The following DPYD variants were observed in gnomAD, a reference collection of about 807,000 sequenced individuals.
DPYD encodes the protein dihydropyrimidine dehydrogenase [NADP(+)].
Under a neutral mutation model 116.2 loss-of-function variants are expected in DPYD, and 109 were observed. The ratio of observed to expected loss-of-function variants is 0.94; its 90% confidence interval spans 0.80 to 1.10. The LOEUF (loss-of-function observed/expected upper bound fraction) is 1.10, where lower values mean the gene tolerates loss of function less well. Among genes scored for constraint, DPYD ranks in the 50% least tolerant of loss-of-function variants. The pLI is 0.00. For missense variants in DPYD, 1,302 were observed against 1,254.5 expected (o/e 1.04, Z -0.57); for synonymous variants, 440 against 432.0 (o/e 1.02, Z -0.23).
intron 8 of DPYD, among the ~76,000 whole-genome samples, chr1:97,629,634 G>C (rs543318962): frequency 3.5e-4 from 53 of 151,836 alleles, no homozygotes; most frequent in Admixed American, 3.0e-3. Context: ...TCCCTCCACA[G>C]ACAGGCCATT....
At chr1:97,444,724 T>A (rs1675981498) in intron 14 of DPYD, among the ~76,000 whole-genome samples, 1 of 152,142 alleles carries the variant, frequency 6.6e-6, no homozygotes, top group Admixed American at 6.5e-5. Flanking sequence ...TAAAGCTTCT[T>A]ATAAGGAGAT....
At chr1:97,677,131 C>T (rs965545846) in intron 8 of DPYD, among the ~76,000 whole-genome samples, 2 of 151,996 alleles carry the variant, frequency 1.3e-5, no homozygotes, top group Admixed American at 1.3e-4. Flanking sequence ...GAAGGTGTTT[C>T]GTGGTTATAA....
chr1:97,183,213 T>C (rs1657764358), intron 20 of DPYD, among the ~76,000 whole-genome samples: 1 of 152,106 alleles, frequency 6.6e-6, no homozygotes, highest in Non-Finnish European at 1.5e-5. Context: ...TCTAAAACTC[T>C]AAAAAGAAAG....
chr1:97,157,617 G>C (rs1222401515), intron 20 of DPYD, among the ~76,000 whole-genome samples: 1 of 152,044 alleles, frequency 6.6e-6, no homozygotes, highest in Non-Finnish European at 1.5e-5. Context: ...TAAGGCATCA[G>C]CCAGAACATA....
At chr1:97,155,750 G>C (rs1278660500) in intron 20 of DPYD, among the ~76,000 whole-genome samples, 1 of 151,866 alleles carries the variant, frequency 6.6e-6, no homozygotes, top group African/African-American at 2.4e-5. Flanking sequence ...TCTGAGAATT[G>C]AAAGTAGTTC....
intron 20 of DPYD, among the ~76,000 whole-genome samples, chr1:97,129,841 T>C (rs1422247748): frequency 6.6e-6 from 1 of 152,206 alleles, no homozygotes; most frequent in East Asian, 1.9e-4. Flanking sequence ...GTAAACTGCA[T>C]CTTCATGTCA....
chr1:97,206,638 TTATATATATA>T lies in DPYD; in HGVS notation c.2443-13400_2443-13391del, dbSNP rs57893705. Among the ~76,000 whole-genome samples the T allele has an allele frequency of 9.5e-3, 467 of 48,980 alleles. 3 individuals carry two copies. Among genetic ancestry groups the T allele is most frequent in the Middle Eastern group, 0.043 (3 of 70 alleles). The allele number at this position is 48,980 out of a possible 152,430, so 32.1% of individuals were successfully genotyped here. On this transcript the variant is annotated intron_variant, in intron 19 of 22. Transcript: ENST00000370192. ...GCTTTCATGTGAAAACAGGGAGATT[TTATATATATA>T]TATATATATATATATATATATATAT...
At chr1:97,815,953 T>C (rs1368355589) in intron 3 of DPYD, among the ~76,000 whole-genome samples, 1 of 152,198 alleles carries the variant, frequency 6.6e-6, no homozygotes, top group Non-Finnish European at 1.5e-5. Flanking sequence ...CCATTGAAAT[T>C]AGGGTTTATT....
At chr1:97,799,132 A>T (rs948328970) in intron 3 of DPYD, among the ~76,000 whole-genome samples, 4 of 151,870 alleles carry the variant, frequency 2.6e-5, no homozygotes, top group African/African-American at 7.3e-5. Context: ...CTTCATCCAC[A>T]CTGACTTCTT....
chr1:97,621,430 A>G (rs1439017650), intron 8 of DPYD, among the ~76,000 whole-genome samples: 1 of 147,996 alleles, frequency 6.8e-6, no homozygotes, highest in African/African-American at 2.4e-5. Flanking sequence ...GTATATACAC[A>G]TGTTTCATTT....
At chr1:97,097,708 ACCT>A (rs1326898889) in intron 21 of DPYD, among the ~76,000 whole-genome samples, 1 of 152,084 alleles carries the variant, frequency 6.6e-6, no homozygotes, top group Non-Finnish European at 1.5e-5. Context: ...GGATACATGA[ACCT>A]CCATACATGA....
At chr1:97,099,730 T>C (rs369557272) in intron 20 of DPYD, among the ~76,000 whole-genome samples, 173 of 152,208 alleles carry the variant, frequency 1.1e-3, no homozygotes, top group African/African-American at 3.9e-3. Context: ...AGCAAGTATT[T>C]TGGTGAAAAA....
At chr1:97,830,579 G>A (rs1434868563) in intron 2 of DPYD, among the ~76,000 whole-genome samples, 1 of 151,904 alleles carries the variant, frequency 6.6e-6, no homozygotes, top group African/African-American at 2.4e-5. Context: ...GGCATGGTGG[G>A]TGCACCTGTA....
At chr1:97,795,246 A>C (rs908875978) in intron 3 of DPYD, among the ~76,000 whole-genome samples, 8 of 152,072 alleles carry the variant, frequency 5.3e-5, no homozygotes, top group African/African-American at 1.9e-4. Flanking sequence ...AAAGACATTT[A>C]GCAATGGGAG....
chr1:97,289,004 C>T (rs6680180), intron 18 of DPYD, among the ~76,000 whole-genome samples: 148,346 of 152,214 alleles, frequency 0.97, 72,410 homozygotes, highest in East Asian at 1. Context: ...ATAAAGGGGA[C>T]ATCACCACTG....
intron 4 of DPYD, among the ~76,000 whole-genome samples, chr1:97,738,882 A>G (rs1398509661): frequency 6.6e-6 from 1 of 152,134 alleles, no homozygotes; most frequent in Non-Finnish European, 1.5e-5. Context: ...TTGCTTAGAC[A>G]TTTTGTAAAC....
At chr1:97,871,844 A>G (rs1237853168) in intron 2 of DPYD, among the ~76,000 whole-genome samples, 2 of 151,838 alleles carry the variant, frequency 1.3e-5, no homozygotes, top group Non-Finnish European at 2.9e-5. Flanking sequence ...TTCCATATGT[A>G]GTAACAGAAA....
At chr1:97,119,978 C>T (rs933387628) in intron 20 of DPYD, among the ~76,000 whole-genome samples, 1 of 152,060 alleles carries the variant, frequency 6.6e-6, no homozygotes, top group Non-Finnish European at 1.5e-5. Flanking sequence ...AAAAGCTAAA[C>T]GAAGACCCGC....
chr1:97,574,091 T>C (rs1179936783), intron 10 of DPYD, 121 bp from the exon 11 acceptor site: 1 of 1,494,724 alleles, frequency 6.7e-7, no homozygotes, highest in Non-Finnish European at 9.0e-7. Flanking sequence ...CAGCTTTTTC[T>C]TTCACCAAAC....
Sources: allele counts gnomAD v4.1 joint callset (sites outside exome capture counted in the v4.1 genomes callset), GRCh38; gene constraint gnomAD v4.1.1; transcripts MANE v1.5; gene names NCBI Gene and HGNC (gene_info 2026-07-23, HGNC 2026-07-21).